The following GLIS3 variants were observed in gnomAD, a reference collection of about 807,000 sequenced individuals.
GLIS3 encodes GLIS family zinc finger 3.
Under a neutral mutation model 78.6 loss-of-function variants are expected in GLIS3, and 53 were observed. That is an observed-to-expected ratio of 0.67 (90% CI 0.54 to 0.85). GLIS3 has a LOEUF of 0.85. GLIS3 is among the 40% of genes least tolerant of loss of function. The pLI, the probability that GLIS3 is intolerant of heterozygous loss-of-function variation, is 0.00. For synonymous variants in GLIS3, 684 were observed against 509.9 expected, an observed-to-expected ratio of 1.34 and a Z score of -4.60; for missense variants, 1,703 against 1,231.1, an observed-to-expected ratio of 1.38 and a Z score of -5.74.
chr9:3,948,351 C>T (rs988759096), intron 4 of GLIS3, among the ~76,000 whole-genome samples: 6 of 152,160 alleles, frequency 3.9e-5, no homozygotes, highest in African/African-American at 1.4e-4. Context: ...CATTTTACCC[C>T]TTCTTCCTAT....
chr9:4,362,360 T>G, the GLIS3 span, among the ~76,000 whole-genome samples: 1 of 152,204 alleles, frequency 6.6e-6, no homozygotes, highest in Admixed American at 6.5e-5. Flanking sequence ...CAACTGGAAA[T>G]TATAAAAGAA....
intron 6 of GLIS3, among the ~76,000 whole-genome samples, chr9:3,919,819 T>C (rs572227302): frequency 6.6e-6 from 1 of 152,078 alleles, no homozygotes; most frequent in Admixed American, 6.5e-5. Context: ...AAGGCCACAA[T>C]ATTAATTGTA....
chr9:4,118,364 C>T lies in GLIS3; in HGVS notation c.1114G>A (p.Val372Met), dbSNP rs770992784. The T allele has an allele frequency of 1.9e-6, 3 of 1,589,600 alleles. No individual in the cohort carries two copies. In the South Asian group the frequency reaches 3.4e-5, roughly 18 times the overall value. ...PRPVPGSQKG[V>M]LVAPGGLALP... Reference sequence around the variant, plus strand: ...GCCAGGCCTCCAGGGGCCACCAGCACGCCCTTCTGGCTGCCGGGCACCGGG... The same window carrying T: ...GCCAGGCCTCCAGGGGCCACCAGCATGCCCTTCTGGCTGCCGGGCACCGGG... Residue 372 changes from valine to methionine, a missense_variant, in exon 4 of 11, where the codon GTG becomes ATG. Coordinates refer to ENST00000381971, the MANE Select transcript of GLIS3 (RefSeq NM_001042413.2). This position sits in a 1 kb window ranked among gnomAD's most constrained non-coding sequence, Gnocchi z 4.7.
At chr9:4,427,601 G>C in the GLIS3 span, among the ~76,000 whole-genome samples, 1 of 152,188 alleles carries the variant, frequency 6.6e-6, no homozygotes, top group Non-Finnish European at 1.5e-5. Context: ...GCTCACACCT[G>C]TAATCCCAGC....
chr9:4,170,739 T>C (rs1445458274), intron 2 of GLIS3, among the ~76,000 whole-genome samples: 2 of 152,198 alleles, frequency 1.3e-5, no homozygotes, highest in African/African-American at 2.4e-5. Flanking sequence ...CATCTGACTT[T>C]TCCTGTATGT....
chr9:4,212,759 C>G, intron 2 of GLIS3, among the ~76,000 whole-genome samples: 1 of 152,262 alleles, frequency 6.6e-6, no homozygotes, highest in East Asian at 1.9e-4. Context: ...GATGCTACTC[C>G]ATCTAAATAG....
chr9:3,990,912 A>T (rs948841501), intron 4 of GLIS3, among the ~76,000 whole-genome samples: 21 of 152,290 alleles, frequency 1.4e-4, no homozygotes, highest in African/African-American at 5.1e-4. Flanking sequence ...ATTTTGAAAA[A>T]CAGGCCTAAC....
At chr9:4,186,248 G>A (rs1332358198) in intron 2 of GLIS3, among the ~76,000 whole-genome samples, 2 of 150,294 alleles carry the variant, frequency 1.3e-5, no homozygotes, top group African/African-American at 2.5e-5. Flanking sequence ...AACATGCAGT[G>A]TTTGGCCTTT....
chr9:4,179,132 A>G lies in GLIS3; in HGVS notation c.389-53191T>C, dbSNP rs553737416. Among the ~76,000 whole-genome samples, 10 of 152,332 alleles carry G rather than the reference A, an allele frequency of 6.6e-5. 1 individual carries two copies. The highest frequency in any genetic ancestry group is 2.2e-4 in the African/African-American group (9 of 41,568). On this transcript the variant is annotated intron_variant, in intron 2 of 10. Coordinates refer to ENST00000381971, the MANE Select transcript of GLIS3 (RefSeq NM_001042413.2). The stretch of plus-strand genomic sequence containing the variant: ...TTTCGCCTCGGTATCTTCCTGCTTC[A>G]TTAAAGATGCTTACATTTGGATAGT...
chr9:4,100,612 T>C (rs1464164853), intron 4 of GLIS3, among the ~76,000 whole-genome samples: 1 of 152,198 alleles, frequency 6.6e-6, no homozygotes, highest in Non-Finnish European at 1.5e-5. Flanking sequence ...GGGCTTTTTT[T>C]AACCAAAGGA....
intron 4 of GLIS3, among the ~76,000 whole-genome samples, chr9:4,112,348 C>G (rs1426051533): frequency 6.6e-6 from 1 of 152,198 alleles, no homozygotes; most frequent in East Asian, 1.9e-4. Context: ...GTAGAGATTA[C>G]TGTCAGGCCA....
the GLIS3 span, among the ~76,000 whole-genome samples, chr9:4,473,460 C>CAAAAAAAAAAAAAAAAAAAAAA: frequency 7.6e-6 from 1 of 131,318 alleles, no homozygotes; most frequent in Non-Finnish European, 1.6e-5. Flanking sequence ...ACAACAACAA[C>CAAAAAAAAAAAAAAAAAAAAAA]AAAAAAAAAG....
chr9:4,039,046 A>T (rs1442937321), intron 4 of GLIS3, among the ~76,000 whole-genome samples: 1 of 152,122 alleles, frequency 6.6e-6, no homozygotes, highest in East Asian at 1.9e-4. Flanking sequence ...AAACTTGAGG[A>T]GGGAGAATAA....
rs1361285054 is a variant in GLIS3, at chr9:3,825,046, A to C, written c.*3226T>G. 6.6e-6 allele frequency: 1 copy of C among 152,180 alleles called. No individual in the cohort carries two copies. The highest frequency in any genetic ancestry group is 1.9e-4 in the East Asian group (1 of 5,204). 9.4% of individuals were successfully genotyped at this position (152,180 alleles called of 1,614,324 possible). ...AAAATACCAAATAATTAAATTGAAA[A>C]TGTACAGTTACTATTCCCAATACTT... is the stretch of plus-strand genomic sequence containing the variant. On this transcript the variant is annotated 3_prime_UTR_variant, in exon 11 of 11. Coordinates refer to ENST00000381971, the MANE Select transcript of GLIS3 (RefSeq NM_001042413.2).
chr9:4,039,476 A>G (rs2130351183), intron 4 of GLIS3, among the ~76,000 whole-genome samples: 1 of 152,294 alleles, frequency 6.6e-6, no homozygotes, highest in South Asian at 2.1e-4. Context: ...AGCTGCTCTG[A>G]TGGGTCTCCA....
chr9:4,255,872 G>GATCTGGGTA (rs1824885292), intron 2 of GLIS3, among the ~76,000 whole-genome samples: 1 of 152,072 alleles, frequency 6.6e-6, no homozygotes, highest in Non-Finnish European at 1.5e-5. Flanking sequence ...GGGTAATCAT[G>GATCTGGGTA]ATGTGTCAAT....
intron 4 of GLIS3, among the ~76,000 whole-genome samples, chr9:4,306,921 A>C (rs906842240): frequency 2.0e-5 from 3 of 152,274 alleles, no homozygotes; most frequent in Non-Finnish European, 2.9e-5. Flanking sequence ...TTGGAACTTG[A>C]TAATAACGTT....
intron 4 of GLIS3, among the ~76,000 whole-genome samples, chr9:4,112,839 TATTACCACCATTA>T (rs1476060088): frequency 6.6e-6 from 1 of 152,142 alleles, no homozygotes; most frequent in African/African-American, 2.4e-5. Flanking sequence ...ATGACACCTA[TATTACCACCATTA>T]GGTGGTAATA....
At chr9:4,136,173 T>C (rs1833392728) in intron 2 of GLIS3, among the ~76,000 whole-genome samples, 1 of 152,174 alleles carries the variant, frequency 6.6e-6, no homozygotes, top group Non-Finnish European at 1.5e-5. Context: ...CCTACCTCCA[T>C]GGCGCTCACA....
Sources: gnomAD v4.1 joint callset for allele counts (sites outside exome capture counted in the v4.1 genomes callset) on GRCh38, gnomAD v4.1.1 for gene constraint, Gnocchi (gnomAD v3.1) non-coding constraint, MANE v1.5 for transcripts, NCBI Gene and HGNC (gene_info 2026-07-23, HGNC 2026-07-21) for gene names.